TACC2: variants seen among roughly 807,000 people sequenced by gnomAD.
TACC2 encodes transforming acidic coiled-coil containing protein 2.
In TACC2, 137 loss-of-function variants were observed where a neutral mutation model predicts 227.3. The ratio of observed to expected loss-of-function variants is 0.60; its 90% confidence interval spans 0.52 to 0.69. The LOEUF is 0.69. Among genes scored for constraint, TACC2 ranks in the 30% least tolerant of loss-of-function variants. The pLI, the probability that TACC2 is intolerant of heterozygous loss-of-function variation, is 0.00. For synonymous variants in TACC2, 1,523 were observed against 1,487.5 expected (o/e 1.02, Z -0.55); for missense variants, 3,470 against 3,694.4 (o/e 0.94, Z 1.57).
At chr10:122,240,883 T>C (rs533359772) in intron 18 of TACC2, among the ~76,000 whole-genome samples, 7 of 152,344 alleles carry the variant, frequency 4.6e-5, no homozygotes, top group South Asian at 2.1e-4. Flanking sequence ...ACAGGGGATC[T>C]TAGTGCTTTT....
chr10:122,107,418 G>A (rs113082730), intron 5 of TACC2, among the ~76,000 whole-genome samples: 28 of 151,912 alleles, frequency 1.8e-4, no homozygotes, highest in South Asian at 8.3e-4. Context: ...GTGAAACCCC[G>A]TCTCTACTAA....
intron 11 of TACC2, among the ~76,000 whole-genome samples, chr10:122,221,536 T>C (rs1046096970): frequency 1.3e-5 from 2 of 152,146 alleles, no homozygotes; most frequent in Non-Finnish European, 2.9e-5. Context: ...AGCTGTTCTT[T>C]AACGGCAGGC....
At chr10:122,017,320 G>C (rs371781471) in intron 1 of TACC2, among the ~76,000 whole-genome samples, 2 of 152,156 alleles carry the variant, frequency 1.3e-5, no homozygotes, top group Admixed American at 6.5e-5. Context: ...CACATGCGTC[G>C]CCTGCGAAGT....
At chr10:122,014,070 C>G (rs1441167826) in intron 1 of TACC2, among the ~76,000 whole-genome samples, 1 of 152,064 alleles carries the variant, frequency 6.6e-6, no homozygotes, top group Non-Finnish European at 1.5e-5. Context: ...AATAAAAACT[C>G]TAATAGAAAA....
At chr10:122,197,176 G>A (rs553080632) in intron 8 of TACC2, among the ~76,000 whole-genome samples, 102 of 152,062 alleles carry the variant, frequency 6.7e-4, no homozygotes, top group African/African-American at 2.1e-3. Flanking sequence ...CAGGAGAATC[G>A]CTTGAACCCG....
At chr10:121,995,375 G>A (rs1565020211) in intron 1 of TACC2, among the ~76,000 whole-genome samples, 1 of 152,210 alleles carries the variant, frequency 6.6e-6, no homozygotes, top group Non-Finnish European at 1.5e-5. Flanking sequence ...ACACAGAAGT[G>A]TGTGTGTATG....
In TACC2 at chr10:122,150,800, G is replaced by A. The variant is rs867028943; in HGVS notation, c.5834+7094G>A. 2.6e-5 allele frequency among the ~76,000 whole-genome samples: 4 copies of A among 152,364 alleles called. No individual in the cohort carries two copies. In the East Asian group the frequency reaches 5.8e-4, roughly 22 times the overall value. On this transcript the variant is annotated intron_variant, in intron 7 of 22. Coordinates refer to ENST00000369005, the MANE Select transcript of TACC2 (RefSeq NM_206862.4). This position sits in a 1 kb window ranked among gnomAD's most constrained non-coding sequence, Gnocchi z 4.0. ...TGGAGTCTAGGTGGAGTCATGCAGCGTTCCTGGGTCCTTTCTTCTGCTTTG... is the reference window on the plus strand; with the variant it reads ...TGGAGTCTAGGTGGAGTCATGCAGCATTCCTGGGTCCTTTCTTCTGCTTTG...
At chr10:122,108,597 C>T in intron 5 of TACC2, among the ~76,000 whole-genome samples, 1 of 150,592 alleles carries the variant, frequency 6.6e-6, no homozygotes, top group East Asian at 2.0e-4. Flanking sequence ...AGGCACGTGC[C>T]ACCATGCCCA....
intron 7 of TACC2, among the ~76,000 whole-genome samples, chr10:122,168,598 C>T (rs2093320308): frequency 6.6e-6 from 1 of 152,110 alleles, no homozygotes; most frequent in South Asian, 2.1e-4. Context: ...AGGTAGCTAC[C>T]AATCATCCAA....
At chr10:122,212,382 C>A (rs1226851235) in intron 9 of TACC2, among the ~76,000 whole-genome samples, 2 of 152,224 alleles carry the variant, frequency 1.3e-5, no homozygotes, top group East Asian at 3.9e-4. Context: ...GCCATTGGTC[C>A]TTGGCTCTAT....
chr10:122,103,267 GT>G (rs372969424), intron 5 of TACC2, among the ~76,000 whole-genome samples: 11 of 152,286 alleles, frequency 7.2e-5, no homozygotes, highest in African/African-American at 2.4e-4. Context: ...CTGTAGACTG[GT>G]TAGGAGTTTG....
At chr10:122,066,685 A>C (rs1437978647) in intron 3 of TACC2, among the ~76,000 whole-genome samples, 1 of 152,188 alleles carries the variant, frequency 6.6e-6, no homozygotes, top group Non-Finnish European at 1.5e-5. Flanking sequence ...TTATAGGCAA[A>C]AGCCACCGTG....
intron 3 of TACC2, among the ~76,000 whole-genome samples, chr10:122,058,433 G>A (rs2076427589): frequency 6.6e-6 from 1 of 152,074 alleles, no homozygotes; most frequent in Admixed American, 6.6e-5. Flanking sequence ...ATTTAGAGAC[G>A]GAGTCTCACT....
At chr10:122,044,009 T>G (rs1324485045) in intron 2 of TACC2, among the ~76,000 whole-genome samples, 3 of 152,254 alleles carry the variant, frequency 2.0e-5, no homozygotes, top group African/African-American at 7.2e-5. Flanking sequence ...TAGTCATCAG[T>G]GTCTACCCAG....
Position 122,084,907 on chromosome 10 carries a change from C to T in TACC2, c.2407C>T (p.Gln803Ter). 1.9e-6 allele frequency: 3 copies of T among 1,614,108 alleles called. No homozygotes were observed. Among genetic ancestry groups the T allele is most frequent in the Non-Finnish European group, 2.5e-6 (3 of 1,180,014 alleles). ...GGCACTCATCCTGGACCAAGATCAG[C>T]AGGGAATCCCATCCTGCCCAGGGGA... ...LTALILDQDQ[Q>*]GIPSCPGEGW... The change falls in exon 4 of 23, where the codon CAG becomes TAG. Residue 803 changes from glutamine (Q) to a stop codon, truncating the protein, a stop_gained. Coordinates refer to ENST00000369005, the MANE Select transcript of TACC2 (RefSeq NM_206862.4). LOFTEE classifies it high-confidence loss of function.
chr10:122,046,173 C>T (rs1354971683), intron 2 of TACC2, among the ~76,000 whole-genome samples: 1 of 144,968 alleles, frequency 6.9e-6, no homozygotes, highest in Non-Finnish European at 1.5e-5. Context: ...AAAACTCCAT[C>T]TCAAAAATCA....
Position 122,215,422 on chromosome 10 carries a change from C to G in TACC2, c.7315C>G (p.Arg2439Gly). Residue 2439 changes from arginine (R) to glycine (G), a missense_variant, in exon 10 of 23, where the codon CGG becomes GGG. Transcript: ENST00000369005. ...DTFRVKKSPKRSPLSDPPSQD... is the reference protein window; with the variant it reads ...DTFRVKKSPKGSPLSDPPSQD... ...ATTTAGGGTGAAAAAGTCGCCAAAACGGTCTCCTCTCTCTGATCCACCTTC... is the reference window on the plus strand; with the variant it reads ...ATTTAGGGTGAAAAAGTCGCCAAAAGGGTCTCCTCTCTCTGATCCACCTTC... 1 of 1,613,976 alleles carries G rather than the reference C, an allele frequency of 6.2e-7. No individual in the cohort carries two copies. Among genetic ancestry groups the G allele is most frequent in the Non-Finnish European group, 8.5e-7 (1 of 1,179,926 alleles).
intron 3 of TACC2, among the ~76,000 whole-genome samples, chr10:122,073,425 A>G (rs1182487434): frequency 6.6e-6 from 1 of 152,156 alleles, no homozygotes; most frequent in East Asian, 1.9e-4. Flanking sequence ...GTTGACAAGC[A>G]GATCCCACCT....
At chr10:122,160,414 C>G (rs1289899170) in intron 7 of TACC2, among the ~76,000 whole-genome samples, 2 of 152,074 alleles carry the variant, frequency 1.3e-5, no homozygotes, top group African/African-American at 4.8e-5. Flanking sequence ...TGATTTCTTC[C>G]AGTTCTGGAG....
Sources: gnomAD v4.1 joint callset for allele counts (sites outside exome capture counted in the v4.1 genomes callset) on GRCh38, gnomAD v4.1.1 for gene constraint, Gnocchi (gnomAD v3.1) non-coding constraint, MANE v1.5 for transcripts, NCBI Gene and HGNC (gene_info 2026-07-23, HGNC 2026-07-21) for gene names.